CEP128: variants seen among roughly 807,000 people sequenced by gnomAD.
The protein encoded by CEP128 is centrosomal protein 128.
CEP128 carries 132 observed loss-of-function variants against 156.7 expected under a neutral mutation model. That is an observed-to-expected ratio of 0.84 (90% CI 0.73 to 0.97). The LOEUF is 0.97. CEP128 is among the 50% of genes least tolerant of loss of function. CEP128 has a pLI of 0.00. For synonymous variants in CEP128, 469 were observed against 448.9 expected (o/e 1.04, Z -0.57); for missense variants, 1,252 against 1,281.9 (o/e 0.98, Z 0.36).
At chr14:80,612,990 G>A (rs926258413) in intron 19 of CEP128, among the ~76,000 whole-genome samples, 37 of 148,938 alleles carry the variant, frequency 2.5e-4, no homozygotes, top group African/African-American at 8.9e-4. Context: ...ACAGGTGCAC[G>A]CCGCCACACC....
intron 19 of CEP128, among the ~76,000 whole-genome samples, chr14:80,667,681 AC>A (rs34843497): frequency 6.6e-6 from 1 of 151,836 alleles, no homozygotes; most frequent in African/African-American, 2.4e-5. Context: ...ACACGGTGAA[AC>A]CCCGTCTCTA....
intron 19 of CEP128, among the ~76,000 whole-genome samples, chr14:80,701,724 G>A (rs933491455): frequency 6.6e-6 from 1 of 152,006 alleles, no homozygotes; most frequent in East Asian, 1.9e-4. Context: ...TTAAACATGG[G>A]ACTTCTATGT....
intron 14 of CEP128, among the ~76,000 whole-genome samples, chr14:80,789,492 C>T (rs1901591732): frequency 6.6e-6 from 1 of 152,106 alleles, no homozygotes; most frequent in African/African-American, 2.4e-5. Flanking sequence ...AGGTTGCAGA[C>T]TTGAACTTTG....
In CEP128 at chr14:80,949,444, CAT is replaced by C. The variant is rs898069550; in HGVS notation, c.-172+8732_-172+8733del. 1.5e-4 allele frequency among the ~76,000 whole-genome samples: 23 copies of C among 152,118 alleles called. 1 individual carries two copies. The highest frequency in any genetic ancestry group is 5.5e-4 in the African/African-American group (23 of 41,512). ...TCAGCAGAGTACTAATCATTACACA[CAT>C]GTGAAAAAAATGAGGCTGGAGAAAA... On this transcript the variant is annotated intron_variant, in intron 2 of 7. Coordinates refer to the CEP128 transcript ENST00000555529.
rs187422092 is a variant in CEP128, at chr14:80,698,365, G to A, written c.2806+44710C>T. Among the ~76,000 whole-genome samples, 8 of 152,144 alleles carry A rather than the reference G, an allele frequency of 5.3e-5. 1 individual carries two copies. In the East Asian group the frequency reaches 1.4e-3, roughly 26 times the overall value. The stretch of plus-strand genomic sequence containing the variant: ...AATAATATCAAAAAATACATTGTAC[G>A]TTCCCAAATAGGGAAGATGCCTACC... On this transcript the variant is annotated intron_variant, in intron 19 of 24. Coordinates refer to ENST00000555265, the MANE Select transcript of CEP128 (RefSeq NM_152446.5).
intron 8 of CEP128, among the ~76,000 whole-genome samples, chr14:80,864,799 C>G (rs1239199501): frequency 6.6e-6 from 1 of 152,150 alleles, no homozygotes; most frequent in Non-Finnish European, 1.5e-5. Flanking sequence ...TCAAGTGATC[C>G]ACCCACCTTG....
intron 9 of CEP128, among the ~76,000 whole-genome samples, chr14:80,855,390 T>C (rs1887097279): frequency 6.6e-6 from 1 of 152,200 alleles, no homozygotes; most frequent in African/African-American, 2.4e-5. Context: ...TTTCATTTAC[T>C]TGTAAACTCT....
intron 13 of CEP128, among the ~76,000 whole-genome samples, chr14:80,809,112 A>T (rs1294937302): frequency 6.6e-6 from 1 of 152,188 alleles, no homozygotes; most frequent in Non-Finnish European, 1.5e-5. Flanking sequence ...AACAAATAAT[A>T]GAAGGAAGTC....
intron 14 of CEP128, among the ~76,000 whole-genome samples, chr14:80,790,576 G>GT (rs879290914): frequency 7.7e-4 from 114 of 148,280 alleles, no homozygotes; most frequent in African/African-American, 2.1e-3. Flanking sequence ...ATCCATCTGG[G>GT]TTTTTTTTTT....
chr14:80,635,707 T>C (rs1283312751), intron 19 of CEP128, among the ~76,000 whole-genome samples: 1 of 152,212 alleles, frequency 6.6e-6, no homozygotes, highest in Non-Finnish European at 1.5e-5. Context: ...TTAATTCTGG[T>C]GACTTGTTAG....
intron 19 of CEP128, among the ~76,000 whole-genome samples, chr14:80,679,165 G>A (rs1472645930): frequency 1.3e-5 from 2 of 152,098 alleles, no homozygotes; most frequent in Non-Finnish European, 2.9e-5. Context: ...CAAATTGATT[G>A]TAGAACATGT....
At chr14:80,940,012 GC>G (rs1886058914) in intron 1 of CEP128, among the ~76,000 whole-genome samples, 1 of 152,114 alleles carries the variant, frequency 6.6e-6, no homozygotes, top group Admixed American at 6.5e-5. Context: ...AGAATAAAAT[GC>G]CTTTGGTTGT....
At chr14:80,687,204 C>A (rs536862640) in intron 19 of CEP128, among the ~76,000 whole-genome samples, 2 of 152,208 alleles carry the variant, frequency 1.3e-5, no homozygotes, top group African/African-American at 4.8e-5. Flanking sequence ...TGCAAAAGAA[C>A]TGAAATCATA....
At chr14:80,565,651 AG>A (rs1165380354) in intron 20 of CEP128, among the ~76,000 whole-genome samples, 1 of 152,250 alleles carries the variant, frequency 6.6e-6, no homozygotes, top group African/African-American at 2.4e-5. Context: ...GAATGGACCA[AG>A]GCAAATTCAT....
intron 14 of CEP128, among the ~76,000 whole-genome samples, chr14:80,481,816 C>A (rs1887059515): frequency 6.6e-6 from 1 of 152,192 alleles, no homozygotes; most frequent in Non-Finnish European, 1.5e-5. Flanking sequence ...TGTATGTGAT[C>A]CTAGTTCACC....
At chr14:80,512,139 T>C (rs924633131) in intron 23 of CEP128, among the ~76,000 whole-genome samples, 10 of 152,204 alleles carry the variant, frequency 6.6e-5, no homozygotes, top group African/African-American at 2.2e-4. Context: ...ATTTTCTATC[T>C]GGACAATCTG....
intron 19 of CEP128, among the ~76,000 whole-genome samples, chr14:80,594,987 G>A (rs899754390): frequency 1.3e-5 from 2 of 152,092 alleles, no homozygotes; most frequent in Non-Finnish European, 2.9e-5. Context: ...TAAACTCAAA[G>A]GATTATAAAT....
At chr14:80,882,276 C>T (rs773910882) in intron 8 of CEP128, among the ~76,000 whole-genome samples, 1 of 151,994 alleles carries the variant, frequency 6.6e-6, no homozygotes, top group Non-Finnish European at 1.5e-5. Context: ...GCTCAATAGA[C>T]ATTTCTCAAA....
chr14:80,840,644 C>A (rs373482333), intron 10 of CEP128, 38 bp downstream of exon 10: 18 of 1,363,038 alleles, frequency 1.3e-5, no homozygotes, highest in African/African-American at 7.1e-5. Context: ...TGGCCCCAAA[C>A]CACTTTATTC....
Sources: allele counts gnomAD v4.1 joint callset (sites outside exome capture counted in the v4.1 genomes callset), GRCh38; gene constraint gnomAD v4.1.1; transcripts MANE v1.5; gene names NCBI Gene and HGNC (gene_info 2026-07-23, HGNC 2026-07-21).